The following DIP2C variants were observed in gnomAD, a reference collection of about 807,000 sequenced individuals.
The protein encoded by DIP2C is disco-interacting protein 2 homolog C.
In DIP2C, 33 loss-of-function variants were observed where a neutral mutation model predicts 192.4. The ratio of observed to expected loss-of-function variants is 0.17; its 90% confidence interval spans 0.13 to 0.23. The LOEUF is 0.23. Among genes scored for constraint, DIP2C ranks in the 10% least tolerant of loss-of-function variants. The probability of loss-of-function intolerance (pLI) is 1.00; values close to 1 mark genes in which losing one functional copy is unlikely to be tolerated. For missense variants in DIP2C, 1,537 were observed against 2,110.1 expected (o/e 0.73, Z 5.32); for synonymous variants, 979 against 864.1 (o/e 1.13, Z -2.33).
intron 28 of DIP2C, among the ~76,000 whole-genome samples, chr10:344,408 GT>G (rs1292789414): frequency 1.6e-5 from 2 of 127,446 alleles, no homozygotes; most frequent in African/African-American, 3.0e-5. Flanking sequence ...GCGGGGGGGG[GT>G]TTGCACGGCA....
chr10:544,805 T>TA (rs1233711968), intron 1 of DIP2C, among the ~76,000 whole-genome samples: 1 of 152,252 alleles, frequency 6.6e-6, no homozygotes, highest in Non-Finnish European at 1.5e-5. Context: ...AGTAAGTTTT[T>TA]AAAGATATTC....
chr10:626,360 G>A (rs1328186988), intron 1 of DIP2C, among the ~76,000 whole-genome samples: 1 of 151,844 alleles, frequency 6.6e-6, no homozygotes, highest in East Asian at 1.9e-4. Context: ...TTCACTCTGG[G>A]GTGGGAGGGG....
intron 3 of DIP2C, among the ~76,000 whole-genome samples, chr10:444,186 T>C (rs529007529): frequency 6.7e-6 from 1 of 150,044 alleles, no homozygotes; most frequent in South Asian, 2.1e-4. Flanking sequence ...GGAGTGTTCC[T>C]TGGCGCTCTT....
At position 469,569 on chromosome 10, in the gene DIP2C, G is replaced by A. The variant is rs552561909; in HGVS notation, c.268+2870C>T. On this transcript the variant is annotated intron_variant, in intron 3 of 36. Coordinates refer to ENST00000280886, the MANE Select transcript of DIP2C (RefSeq NM_014974.3). Reference sequence around the variant, plus strand: ...TGAACTCAAGTGATCTGCCCGCCTCGGCCTCCCAAAGTGCTGGGACTACAG... The same window carrying A: ...TGAACTCAAGTGATCTGCCCGCCTCAGCCTCCCAAAGTGCTGGGACTACAG... Among the ~76,000 whole-genome samples the A allele has an allele frequency of 2.3e-4, 35 of 152,096 alleles. 1 individual carries two copies. The highest frequency in any genetic ancestry group is 1.4e-3 in the East Asian group (7 of 5,180).
intron 10 of DIP2C, among the ~76,000 whole-genome samples, chr10:391,501 G>A (rs1336800478): frequency 2.6e-5 from 4 of 152,224 alleles, no homozygotes; most frequent in Non-Finnish European, 4.4e-5. Context: ...TCCGGTTTGG[G>A]AAGGTCAGAC....
At chr10:452,300 A>G (rs572530273) in intron 3 of DIP2C, among the ~76,000 whole-genome samples, 16 of 152,350 alleles carry the variant, frequency 1.1e-4, no homozygotes, top group Admixed American at 9.8e-4. Flanking sequence ...AACAATGTTA[A>G]GGCAAATAAT....
At chr10:383,948 G>A (rs1962616472) in intron 16 of DIP2C, 79 bp downstream of exon 16, 1 of 1,393,662 alleles carries the variant, frequency 7.2e-7, no homozygotes, top group Admixed American at 3.6e-5. Flanking sequence ...AGACTTCACA[G>A]CCTGCCTGCC....
In DIP2C at chr10:329,547, G is replaced by A. The variant is rs1957408811; in HGVS notation, c.3639C>T (p.Asn1213=). 1 of 1,614,108 alleles carries A rather than the reference G, an allele frequency of 6.2e-7. No homozygotes were observed. Among genetic ancestry groups the A allele is most frequent in the Non-Finnish European group, 8.5e-7 (1 of 1,180,052 alleles). Reference sequence around the variant, plus strand: ...TCACGGCAAGAAGCCACAAGGCGGGGTTGGTTTCCAGCTCAGAGGGCGGGA... The same window carrying A: ...TCACGGCAAGAAGCCACAAGGCGGGATTGGTTTCCAGCTCAGAGGGCGGGA... ...ILIPPSELET[N]PALWLLAVSQ... Residue 1213 remains asparagine (N), a synonymous_variant, in exon 30 of 37, where the codon AAC becomes AAT. Transcript: ENST00000280886.
intron 2 of DIP2C, among the ~76,000 whole-genome samples, chr10:485,433 G>A (rs763192238): frequency 1.6e-4 from 24 of 152,204 alleles, no homozygotes; most frequent in Admixed American, 5.2e-4. Context: ...GTTCCTCGGC[G>A]TCTATCCCTG....
At chr10:538,109 T>C (rs191141235) in intron 1 of DIP2C, among the ~76,000 whole-genome samples, 90 of 152,256 alleles carry the variant, frequency 5.9e-4, no homozygotes, top group Admixed American at 3.1e-3. Context: ...TTTTAAATTT[T>C]TAAGCTTTTT....
intron 1 of DIP2C, among the ~76,000 whole-genome samples, chr10:538,138 C>T (rs1433384506): frequency 1.3e-5 from 2 of 152,112 alleles, no homozygotes; most frequent in Admixed American, 6.5e-5. Context: ...ACTCTGTATC[C>T]TCTGTGGATA....
At chr10:433,493 A>G (rs1966928581) in intron 4 of DIP2C, among the ~76,000 whole-genome samples, 2 of 152,152 alleles carry the variant, frequency 1.3e-5, no homozygotes, top group South Asian at 4.1e-4. Context: ...CTTGGCCAAC[A>G]TAGTGAAACC....
intron 32 of DIP2C, among the ~76,000 whole-genome samples, chr10:297,576 A>C (rs1955821337): frequency 6.6e-6 from 1 of 152,238 alleles, no homozygotes; most frequent in Admixed American, 6.5e-5. Context: ...CAGGAATAGA[A>C]AGTTAAATAC....
intron 28 of DIP2C, among the ~76,000 whole-genome samples, chr10:343,219 G>A (rs936724834): frequency 6.6e-6 from 1 of 152,336 alleles, no homozygotes; most frequent in South Asian, 2.1e-4. Context: ...AACCAAGAGG[G>A]CGGAGGTTGC....
At chr10:518,903 C>T (rs1051380628) in intron 1 of DIP2C, among the ~76,000 whole-genome samples, 1 of 152,220 alleles carries the variant, frequency 6.6e-6, no homozygotes, top group Non-Finnish European at 1.5e-5. Context: ...ACCAGCCCCT[C>T]GACGTCAGTC....
chr10:652,874 G>A lies in DIP2C; in HGVS notation c.85+36620C>T, dbSNP rs957062826. Among the ~76,000 whole-genome samples, 3 of 151,402 alleles carry A rather than the reference G, an allele frequency of 2.0e-5. No homozygotes were observed. Among genetic ancestry groups the A allele is most frequent in the African/African-American group, 7.3e-5 (3 of 41,136 alleles). ...ACTTTCTTGGGCATTTTCCACACCA[G>A]GACAGATGGACCCTGCTCTCCTTCC... On this transcript the variant is annotated intron_variant, in intron 1 of 36. Coordinates refer to ENST00000280886, the MANE Select transcript of DIP2C (RefSeq NM_014974.3). This position sits in a 1 kb window ranked among gnomAD's most constrained non-coding sequence, Gnocchi z 4.5.
chr10:689,515 G>T lies in DIP2C; in HGVS notation c.64C>A (p.Leu22Met), dbSNP rs1831467740. ...PLEVRARLAE[L>M]ELELSEGDIT... is the part of the protein sequence containing the mutation. ...TTACCTTCCGACAGCTCCAGCTCCA[G>T]CTCGGCCAGGCGCGCCCGCACCTCC... Residue 22 changes from leucine to methionine, a missense_variant, in exon 1 of 37, where the codon CTG becomes ATG. Physicochemically the swap from Leu to Met is conservative, Grantham distance 15 (BLOSUM62 2). Transcript: ENST00000280886. This position sits in a 1 kb window ranked among gnomAD's most constrained non-coding sequence, Gnocchi z 6.1. 1.6e-6 allele frequency: 2 copies of T among 1,288,570 alleles called. No homozygotes were observed. The highest frequency in any genetic ancestry group is 2.0e-6 in the Non-Finnish European group (2 of 998,880). The allele number at this position is 1,288,570 out of a possible 1,614,324, so 79.8% of individuals were successfully genotyped here. A position where few individuals can be genotyped will look rare whatever the true frequency, so the allele number is the denominator to read the frequency against.
chr10:333,739 A>T (rs1957609049), intron 29 of DIP2C, among the ~76,000 whole-genome samples: 1 of 152,220 alleles, frequency 6.6e-6, no homozygotes, highest in East Asian at 1.9e-4. Flanking sequence ...ATGTATGAGA[A>T]TTCGTTTTTC....
intron 1 of DIP2C, among the ~76,000 whole-genome samples, chr10:579,640 C>T (rs1393900508): frequency 3.3e-5 from 5 of 152,052 alleles, no homozygotes; most frequent in Non-Finnish European, 7.4e-5. Flanking sequence ...CATGTACATG[C>T]ATAGAGCAAA....
Sources: gnomAD v4.1 joint callset for allele counts (sites outside exome capture counted in the v4.1 genomes callset) on GRCh38, gnomAD v4.1.1 for gene constraint, Gnocchi (gnomAD v3.1) non-coding constraint, MANE v1.5 for transcripts, NCBI Gene and HGNC (gene_info 2026-07-23, HGNC 2026-07-21) for gene names.